AVEN: variants seen among roughly 807,000 people sequenced by gnomAD.
AVEN encodes apoptosis and caspase activation inhibitor, also known as cell death regulator Aven.
In AVEN, 41 loss-of-function variants were observed where a neutral mutation model predicts 38.1. The observed-to-expected ratio is 1.08, with a 90% CI of 0.84 to 1.40. The LOEUF (loss-of-function observed/expected upper bound fraction) is 1.40. Ranked by LOEUF, AVEN falls within the 40% of genes most tolerant of loss-of-function variation. The probability of loss-of-function intolerance (pLI) is 0.00; values close to 1 mark genes in which losing one functional copy is unlikely to be tolerated. For synonymous variants in AVEN, 206 were observed against 171.8 expected (o/e 1.20, Z -1.56); for missense variants, 605 against 438.8 (o/e 1.38, Z -3.38).
rs201992416 is a variant in AVEN, at chr15:33,969,538, AAATT to A, written c.445+33490_445+33493del. ...CCAGAGTACTTGATAAAACAAAGAA[AAATT>A]AATAAGCATTTTAAATATTTTTATT... is the stretch of plus-strand genomic sequence containing the variant. On this transcript the variant is annotated intron_variant, in intron 2 of 5. Transcript: ENST00000306730. 8.4e-3 allele frequency among the ~76,000 whole-genome samples: 1,276 copies of A among 152,184 alleles called. 14 individuals carry two copies. The highest frequency in any genetic ancestry group is 0.027 in the South Asian group (128 of 4,824).
In AVEN at chr15:33,913,865, T is replaced by G. The variant is rs551365942; in HGVS notation, c.446-37870A>C. The stretch of plus-strand genomic sequence containing the variant: ...GTTAAGGATATCTCAACAATATCAA[T>G]GGATATAACCAGGCGGAAACTCAGA... On this transcript the variant is annotated intron_variant, in intron 2 of 5. Transcript: ENST00000306730. Among the ~76,000 whole-genome samples, 99 of 152,246 alleles carry G rather than the reference T, an allele frequency of 6.5e-4. 1 individual carries two copies. The Middle Eastern group carries it at 0.014, about 21-fold the overall frequency.
At chr15:33,921,745 TACTC>T (rs10567037) in intron 2 of AVEN, among the ~76,000 whole-genome samples, 104,136 of 151,528 alleles carry the variant, frequency 0.69, 36,134 homozygotes, top group East Asian at 0.81. Context: ...ACAAGAATCA[TACTC>T]AAAATGTAAG....
At chr15:34,002,320 T>C (rs1897166778) in intron 2 of AVEN, among the ~76,000 whole-genome samples, 1 of 151,442 alleles carries the variant, frequency 6.6e-6, no homozygotes. Flanking sequence ...CACATCCGCC[T>C]CCCACCCTCC....
chr15:33,854,624 G>A (rs1022684579), downstream of AVEN: 2 of 1,161,346 alleles, frequency 1.7e-6, no homozygotes, highest in Non-Finnish European at 2.5e-6. Flanking sequence ...GGCTCACTTA[G>A]CAGATCTTGG....
chr15:33,905,985 G>A (rs1201617399), intron 2 of AVEN, among the ~76,000 whole-genome samples: 1 of 152,058 alleles, frequency 6.6e-6, no homozygotes, highest in Non-Finnish European at 1.5e-5. Flanking sequence ...GATTTTCTCA[G>A]TACCTCCTAT....
chr15:34,040,198 A>G (rs756101810), upstream of AVEN, among the ~76,000 whole-genome samples: 3 of 152,218 alleles, frequency 2.0e-5, no homozygotes, highest in South Asian at 2.1e-4. Context: ...CCTGCCCTCA[A>G]GTAGCTCACT....
At chr15:33,888,398 C>T (rs17236665) in intron 2 of AVEN, among the ~76,000 whole-genome samples, 30,311 of 151,874 alleles carry the variant, frequency 0.2, 3,847 homozygotes, top group Admixed American at 0.3. Context: ...CCTGATCCGA[C>T]GGAAAACAAA....
intron 2 of AVEN, among the ~76,000 whole-genome samples, chr15:33,985,575 C>T (rs1489439942): frequency 6.6e-6 from 1 of 151,926 alleles, no homozygotes; most frequent in African/African-American, 2.4e-5. Flanking sequence ...TCTTGACATA[C>T]CCATCAGGAG....
At chr15:33,890,019 G>T (rs777561558) in intron 2 of AVEN, among the ~76,000 whole-genome samples, 27 of 152,356 alleles carry the variant, frequency 1.8e-4, no homozygotes, top group Non-Finnish European at 3.7e-4. Flanking sequence ...GCCACAAGGT[G>T]TCAAGGCGAG....
At chr15:33,870,595 G>C (rs556328943) in intron 4 of AVEN, among the ~76,000 whole-genome samples, 2 of 152,138 alleles carry the variant, frequency 1.3e-5, no homozygotes, top group Non-Finnish European at 2.9e-5. Context: ...GTTCCAGAAA[G>C]GCAGGAACGA....
At chr15:33,872,411 G>A (rs537682552) in intron 3 of AVEN, among the ~76,000 whole-genome samples, 1 of 152,126 alleles carries the variant, frequency 6.6e-6, no homozygotes, top group Non-Finnish European at 1.5e-5. Context: ...ATCCTCCTCA[G>A]AATCTACAGC....
At chr15:33,855,193 A>C (rs1430227705), downstream of AVEN, among the ~76,000 whole-genome samples, 1 of 149,718 alleles carries the variant, frequency 6.7e-6, no homozygotes, top group Admixed American at 6.6e-5. Context: ...TGTCAGAATG[A>C]CCTTGGAGAT....
chr15:34,039,002 TG>T lies in AVEN; in HGVS notation c.44del (p.Pro15GlnfsTer21). 9.0e-7 allele frequency: 1 copy of T among 1,116,642 alleles called. No individual in the cohort carries two copies. 69.2% of individuals were successfully genotyped at this position (1,116,642 alleles called of 1,614,324 possible). A position where few individuals can be genotyped will look rare whatever the true frequency, so the allele number is the denominator to read the frequency against. On this transcript the variant is annotated frameshift_variant, in exon 1 of 6. Transcript: ENST00000306730. LOFTEE classifies it high-confidence loss of function. ...GATCTCCGCCAGGCCGGCCGCGGCC[TG>T]GCCGCCGCCCACGGCCTCCCCGAGC... ...RGARGGRGRR[P>X]GRGRPGGDRH...
intron 2 of AVEN, among the ~76,000 whole-genome samples, chr15:33,931,371 T>C (rs1433124459): frequency 1.4e-5 from 1 of 70,192 alleles, no homozygotes; most frequent in Non-Finnish European, 3.1e-5. Flanking sequence ...TTTTTTTTTT[T>C]TTTTTTTTTT....
In AVEN at chr15:33,936,272, G is replaced by C. The variant is rs115161536; in HGVS notation, c.446-60277C>G. Among the ~76,000 whole-genome samples, 880 of 152,266 alleles carry C rather than the reference G, an allele frequency of 5.8e-3. 6 individuals carry two copies. Among genetic ancestry groups the C allele is most frequent in the African/African-American group, 0.02 (813 of 41,542 alleles). On this transcript the variant is annotated intron_variant, in intron 2 of 5. Transcript: ENST00000306730. ...TACAGACAACACAGCAGACTACATG[G>C]AAAAATGCAAAAGCATCTGCAGACA... is the stretch of plus-strand genomic sequence containing the variant.
At chr15:34,040,047 TTTC>T (rs1174675358), upstream of AVEN, among the ~76,000 whole-genome samples, 2 of 152,194 alleles carry the variant, frequency 1.3e-5, no homozygotes, top group African/African-American at 4.8e-5. Context: ...GAATAAGTGT[TTTC>T]TTCCCCCTCA....
intron 3 of AVEN, among the ~76,000 whole-genome samples, chr15:33,875,489 C>A (rs1891181330): frequency 1.3e-5 from 2 of 152,150 alleles, no homozygotes; most frequent in Non-Finnish European, 2.9e-5. Flanking sequence ...TTTTATACTT[C>A]TATTCTCCTA....
chr15:33,864,198 T>A, downstream of AVEN: 1 of 1,604,624 alleles, frequency 6.2e-7, no homozygotes, highest in Non-Finnish European at 8.5e-7. Context: ...AGGTGAGAAA[T>A]TAAGAATCAT....
intron 2 of AVEN, among the ~76,000 whole-genome samples, chr15:33,946,055 T>C (rs1894499548): frequency 2.0e-5 from 3 of 152,202 alleles, no homozygotes; most frequent in South Asian, 2.1e-4. Flanking sequence ...AATAAATTCA[T>C]GGAAGAAATT....
Sources: allele counts gnomAD v4.1 joint callset (sites outside exome capture counted in the v4.1 genomes callset), GRCh38; gene constraint gnomAD v4.1.1; transcripts MANE v1.5; gene names NCBI Gene and HGNC (gene_info 2026-07-23, HGNC 2026-07-21).